Variants in CERS3 observed in about 807,000 individuals in gnomAD.
The protein encoded by CERS3 is ceramide synthase 3, also known as LAG1 homolog, ceramide synthase 3.
In CERS3, 33 loss-of-function variants were observed where a neutral mutation model predicts 50.3. The ratio of observed to expected loss-of-function variants is 0.66; its 90% CI spans 0.50 to 0.88. The LOEUF (loss-of-function observed/expected upper bound fraction) is 0.88, where lower values mean the gene tolerates loss of function less well. Among genes scored for constraint, CERS3 ranks in the 40% least tolerant of loss-of-function variants. The pLI is 0.00. For synonymous variants in CERS3, 176 were observed against 155.2 expected (o/e 1.13, Z -0.99); for missense variants, 470 against 460.3 (o/e 1.02, Z -0.19).
intron 10 of CERS3, among the ~76,000 whole-genome samples, chr15:100,466,102 T>C (rs576310607): frequency 2.6e-5 from 4 of 152,326 alleles, no homozygotes; most frequent in Admixed American, 2.6e-4. Context: ...GCCAAACACA[T>C]GTAACTCAAT....
chr15:100,453,890 C>A (rs926737571), intron 11 of CERS3, among the ~76,000 whole-genome samples: 2 of 152,082 alleles, frequency 1.3e-5, no homozygotes, highest in Admixed American at 6.6e-5. Context: ...ATCCCATTTA[C>A]AATAACTACA....
At chr15:100,506,621 T>C (rs964174966) in intron 2 of CERS3, among the ~76,000 whole-genome samples, 13 of 152,160 alleles carry the variant, frequency 8.5e-5, no homozygotes, top group African/African-American at 2.9e-4. Flanking sequence ...CTGAAGAAAA[T>C]AGAAAAGATT....
At chr15:100,512,335 T>C (rs1391910704) in intron 2 of CERS3, among the ~76,000 whole-genome samples, 1 of 152,158 alleles carries the variant, frequency 6.6e-6, no homozygotes, top group African/African-American at 2.4e-5. Context: ...GGTTTTGCTT[T>C]TGAGATCTGG....
At chr15:100,489,255 T>A (rs2035580015) in intron 4 of CERS3, among the ~76,000 whole-genome samples, 1 of 152,238 alleles carries the variant, frequency 6.6e-6, no homozygotes, top group Admixed American at 6.5e-5. Context: ...GTCACTGGAC[T>A]GGAAGTATGG....
intron 3 of CERS3, among the ~76,000 whole-genome samples, chr15:100,492,264 T>C (rs2035676276): frequency 6.6e-6 from 1 of 152,232 alleles, no homozygotes; most frequent in Non-Finnish European, 1.5e-5. Flanking sequence ...TTGATAATCT[T>C]CTGCCTAGCT....
In CERS3 at chr15:100,456,020, G is replaced by A; in HGVS notation, c.872C>T (p.Pro291Leu). ...FWILYCTLILPMYHLEPFFSY... is the reference protein window; with the variant it reads ...FWILYCTLILLMYHLEPFFSY... ...AAAGAAAGGCTCGAGGTGATACATA[G>A]GCAAGATCAGCGTGCAATATAAAAT... is the stretch of plus-strand genomic sequence containing the variant. Residue 291 changes from proline (P) to leucine (L), a missense_variant, in exon 11 of 12, where the codon CCT becomes CTT. Coordinates refer to ENST00000679737, the MANE Select transcript of CERS3 (RefSeq NM_001378789.1). 1 of 1,611,556 alleles carries A rather than the reference G, an allele frequency of 6.2e-7. No homozygotes were observed. Among genetic ancestry groups the A allele is most frequent in the Non-Finnish European group, 8.5e-7 (1 of 1,178,822 alleles).
intron 2 of CERS3, among the ~76,000 whole-genome samples, chr15:100,521,053 G>C (rs2036624430): frequency 6.6e-6 from 1 of 152,116 alleles, no homozygotes; most frequent in Non-Finnish European, 1.5e-5. Context: ...ATTTGCAGGT[G>C]AACAATGAAG....
intron 10 of CERS3, among the ~76,000 whole-genome samples, chr15:100,466,383 A>G (rs1475672089): frequency 6.6e-6 from 1 of 152,228 alleles, no homozygotes; most frequent in South Asian, 2.1e-4. Flanking sequence ...TAGAGCTTCC[A>G]TGGTGTGTGC....
intron 3 of CERS3, among the ~76,000 whole-genome samples, chr15:100,491,373 G>A (rs1052534414): frequency 1.3e-4 from 20 of 152,188 alleles, no homozygotes; most frequent in Middle Eastern, 3.4e-3. Flanking sequence ...CGTAATAATA[G>A]GATTGACGGG....
At chr15:100,540,333 A>G (rs370219777) in intron 1 of CERS3, among the ~76,000 whole-genome samples, 2 of 152,214 alleles carry the variant, frequency 1.3e-5, no homozygotes, top group Non-Finnish European at 2.9e-5. Context: ...ACCTGAGGTC[A>G]GGAGTTCGAG....
At chr15:100,429,060 C>G (rs2032979938) in intron 11 of CERS3, among the ~76,000 whole-genome samples, 1 of 152,200 alleles carries the variant, frequency 6.6e-6, no homozygotes, top group African/African-American at 2.4e-5. Context: ...GGTGAGGCCT[C>G]AAATAAGCAC....
chr15:100,465,599 A>T (rs1311887508), intron 10 of CERS3, among the ~76,000 whole-genome samples: 1 of 152,032 alleles, frequency 6.6e-6, no homozygotes, highest in African/African-American at 2.4e-5. Context: ...AACAATGAGA[A>T]TCAGTCAACG....
chr15:100,434,034 C>G (rs1279183293), intron 11 of CERS3, among the ~76,000 whole-genome samples: 1 of 152,260 alleles, frequency 6.6e-6, no homozygotes, highest in Non-Finnish European at 1.5e-5. Flanking sequence ...GCAGTCAGGC[C>G]TCTGTGGAGA....
chr15:100,536,531 C>T (rs2037079546), intron 1 of CERS3, among the ~76,000 whole-genome samples: 1 of 152,214 alleles, frequency 6.6e-6, no homozygotes, highest in Non-Finnish European at 1.5e-5. Context: ...ATGAACTGCT[C>T]ACCTTGGCCT....
chr15:100,455,545 CAA>C (rs2034338735), intron 11 of CERS3, among the ~76,000 whole-genome samples: 1 of 152,048 alleles, frequency 6.6e-6, no homozygotes, highest in Non-Finnish European at 1.5e-5. Context: ...TATGCACGTA[CAA>C]AATATCACAT....
chr15:100,428,578 AC>A (rs1307575150), intron 11 of CERS3, among the ~76,000 whole-genome samples: 1 of 152,224 alleles, frequency 6.6e-6, no homozygotes, highest in African/African-American at 2.4e-5. Flanking sequence ...CTTGTGACAG[AC>A]AAAAATGTCT....
intron 11 of CERS3, among the ~76,000 whole-genome samples, chr15:100,433,404 T>C (rs2033233423): frequency 6.6e-6 from 1 of 151,976 alleles, no homozygotes; most frequent in African/African-American, 2.4e-5. Context: ...TCAGGTTTCC[T>C]AGGAAACAGA....
Position 100,488,170 on chromosome 15 carries a change from A to G in CERS3, c.288+2647T>C, listed in dbSNP as rs188851283. Among the ~76,000 whole-genome samples the G allele has an allele frequency of 3.6e-4, 55 of 152,294 alleles. 1 individual carries two copies. The highest frequency in any genetic ancestry group is 2.7e-3 in the Admixed American group (42 of 15,304). ...AAAACTCTCACTGAGGCTCATGTGT[A>G]TAGTATTTTAGGCCTCATCAATACC... On this transcript the variant is annotated intron_variant, in intron 4 of 11. Transcript: ENST00000679737.
chr15:100,452,124 G>C (rs2034195065), intron 11 of CERS3, among the ~76,000 whole-genome samples: 1 of 150,426 alleles, frequency 6.6e-6, no homozygotes, highest in Admixed American at 6.6e-5. Flanking sequence ...ATGCCAAATG[G>C]ACCTAACAGA....
Sources: allele counts gnomAD v4.1 joint callset (sites outside exome capture counted in the v4.1 genomes callset), GRCh38; gene constraint gnomAD v4.1.1; transcripts MANE v1.5; gene names NCBI Gene and HGNC (gene_info 2026-07-23, HGNC 2026-07-21).